Variants in CMTM7 observed in about 807,000 individuals in gnomAD.
CMTM7 encodes CKLF-like MARVEL transmembrane domain-containing protein 7.
CMTM7 carries 7 observed loss-of-function variants against 19.3 expected under a neutral mutation model. The ratio of observed to expected loss-of-function variants is 0.36; its 90% CI spans 0.21 to 0.68. The LOEUF (loss-of-function observed/expected upper bound fraction) is 0.68, where lower values mean the gene tolerates loss of function less well. CMTM7 is among the 30% of genes least tolerant of loss of function. CMTM7 has a pLI of 0.60. For missense variants in CMTM7, 193 were observed against 232.6 expected (o/e 0.83, Z 1.11); for synonymous variants, 87 against 99.3 (o/e 0.88, Z 0.74).
intron 1 of CMTM7, among the ~76,000 whole-genome samples, chr3:32,416,636 C>T (rs939588085): frequency 8.6e-5 from 13 of 151,964 alleles, no homozygotes; most frequent in Admixed American, 2.6e-4. Context: ...ATGATCCAAC[C>T]GCCTCGGCCT....
chr3:32,413,324 AT>A (rs1256846312), intron 1 of CMTM7, among the ~76,000 whole-genome samples: 1 of 152,240 alleles, frequency 6.6e-6, no homozygotes, highest in Non-Finnish European at 1.5e-5. Flanking sequence ...CACAGGATAT[AT>A]AACTTAGTTT....
intron 1 of CMTM7, among the ~76,000 whole-genome samples, chr3:32,397,308 A>ATTATTATTATTATTTTTTTTTTTTTTT (rs1553610159): frequency 6.6e-6 from 1 of 152,110 alleles, no homozygotes; most frequent in Non-Finnish European, 1.5e-5. Flanking sequence ...CTATGTGATT[A>ATTATTATTATTATTTTTTTTTTTTTTT]TTGATTTTAG....
intron 2 of CMTM7, among the ~76,000 whole-genome samples, chr3:32,443,291 A>G (rs1696708552): frequency 6.6e-6 from 1 of 151,164 alleles, no homozygotes; most frequent in South Asian, 2.1e-4. Flanking sequence ...TTTTACAGAG[A>G]TGAGGTTTCA....
intron 1 of CMTM7, among the ~76,000 whole-genome samples, chr3:32,440,389 G>C (rs924249291): frequency 6.6e-6 from 1 of 151,930 alleles, no homozygotes; most frequent in East Asian, 1.9e-4. Context: ...CTGGGCAACA[G>C]AGTGAGACTC....
chr3:32,429,435 A>G (rs1286540156), intron 1 of CMTM7, among the ~76,000 whole-genome samples: 1 of 151,768 alleles, frequency 6.6e-6, no homozygotes, highest in East Asian at 1.9e-4. Flanking sequence ...CTGGGACTAC[A>G]GGCATGCGTC....
At chr3:32,404,318 G>A (rs192805541) in intron 1 of CMTM7, among the ~76,000 whole-genome samples, 26 of 151,996 alleles carry the variant, frequency 1.7e-4, no homozygotes, top group Admixed American at 8.5e-4. Flanking sequence ...ATGCCACCAT[G>A]CCCTGCTAAT....
intron 1 of CMTM7, among the ~76,000 whole-genome samples, chr3:32,431,036 C>T (rs1696510662): frequency 6.6e-6 from 1 of 152,180 alleles, no homozygotes; most frequent in Non-Finnish European, 1.5e-5. Flanking sequence ...ACAGTGAACA[C>T]AACAGATCAT....
At chr3:32,431,639 A>G (rs1474728433) in intron 1 of CMTM7, among the ~76,000 whole-genome samples, 1 of 152,204 alleles carries the variant, frequency 6.6e-6, no homozygotes, top group Non-Finnish European at 1.5e-5. Flanking sequence ...GGGGCTCTGT[A>G]TACAAGCAAG....
intron 2 of CMTM7, among the ~76,000 whole-genome samples, chr3:32,445,197 T>C (rs916318734): frequency 7.2e-5 from 11 of 152,230 alleles, no homozygotes; most frequent in African/African-American, 2.7e-4. Flanking sequence ...ATGCCATTTA[T>C]TTCATTGTCT....
intron 1 of CMTM7, among the ~76,000 whole-genome samples, chr3:32,393,048 GGTGTGGGGAAAGGA>G (rs1344872562): frequency 1.3e-5 from 2 of 152,168 alleles, no homozygotes; most frequent in African/African-American, 4.8e-5. Flanking sequence ...TTCAAAAAGA[GGTGTGGGGAAAGGA>G]GTGTGGGGCT....
intron 3 of CMTM7, chr3:32,451,925 A>T: frequency 2.1e-6 from 1 of 476,690 alleles, no homozygotes; most frequent in Non-Finnish European, 3.7e-6. Flanking sequence ...TTCTGGCTCT[A>T]ATACGGCTAT....
intron 1 of CMTM7, among the ~76,000 whole-genome samples, chr3:32,436,906 A>G (rs1696605793): frequency 6.6e-6 from 1 of 152,114 alleles, no homozygotes; most frequent in South Asian, 2.1e-4. Flanking sequence ...AGTTTTCTGT[A>G]GAGATTTTTC....
At chr3:32,441,649 T>G (rs1490826435) in intron 1 of CMTM7, among the ~76,000 whole-genome samples, 191 bp from the exon 2 acceptor site, 1 of 152,226 alleles carries the variant, frequency 6.6e-6, no homozygotes, top group African/African-American at 2.4e-5. Flanking sequence ...GACAGTAGTT[T>G]CAAAGTGTGT....
intron 1 of CMTM7, among the ~76,000 whole-genome samples, chr3:32,435,265 G>T (rs111897332): frequency 6.6e-6 from 1 of 152,158 alleles, no homozygotes; most frequent in Non-Finnish European, 1.5e-5. Context: ...TTAGCCGGGC[G>T]TGGTGGTGCA....
chr3:32,452,164 G>A, intron 3 of CMTM7: 2 of 1,503,102 alleles, frequency 1.3e-6, no homozygotes, highest in Non-Finnish European at 1.8e-6. Context: ...AGGCCTGGCT[G>A]CCAGCCCTGA....
chr3:32,440,419 T>A (rs1348559014), intron 1 of CMTM7, among the ~76,000 whole-genome samples: 2 of 150,958 alleles, frequency 1.3e-5, no homozygotes, highest in Admixed American at 6.6e-5. Context: ...AAAAAAAGAA[T>A]CACTCCTCCA....
chr3:32,437,814 C>T (rs1175678626), intron 1 of CMTM7, among the ~76,000 whole-genome samples: 1 of 152,042 alleles, frequency 6.6e-6, no homozygotes, highest in African/African-American at 2.4e-5. Flanking sequence ...TCCCTTGAAC[C>T]AGGGAGGTGG....
chr3:32,405,634 G>T (rs80274379), intron 1 of CMTM7, among the ~76,000 whole-genome samples: 10,320 of 152,162 alleles, frequency 0.068, 809 homozygotes, highest in East Asian at 0.32. Context: ...TCGCGCCTGT[G>T]GGCCTATCTA....
intron 1 of CMTM7, among the ~76,000 whole-genome samples, chr3:32,432,153 C>T (rs370816780): frequency 1.3e-5 from 2 of 152,358 alleles, no homozygotes; most frequent in East Asian, 1.9e-4. Flanking sequence ...GTGACCTGCC[C>T]TTGGTTCTCA....
Sources: gnomAD v4.1 joint callset for allele counts (sites outside exome capture counted in the v4.1 genomes callset) on GRCh38, gnomAD v4.1.1 for gene constraint, MANE v1.5 for transcripts, NCBI Gene and HGNC (gene_info 2026-07-23, HGNC 2026-07-21) for gene names.